PCDHGA5: variants seen among roughly 807,000 people sequenced by gnomAD.
PCDHGA5 encodes the protein protocadherin gamma-A5.
In PCDHGA5, 36 loss-of-function variants were observed where a neutral mutation model predicts 56.7. The observed-to-expected ratio is 0.64, with a 90% CI of 0.49 to 0.84. PCDHGA5 has a LOEUF of 0.84. Among genes scored for constraint, PCDHGA5 ranks in the 40% least tolerant of loss-of-function variants. The pLI, the probability that PCDHGA5 is intolerant of heterozygous loss-of-function variation, is 0.00. For missense variants in PCDHGA5, 1,305 were observed against 1,201.5 expected (o/e 1.09, Z -1.27); for synonymous variants, 563 against 520.2 (o/e 1.08, Z -1.12).
intron 1 of PCDHGA5, chr5:141,400,558 C>T: frequency 1.2e-6 from 2 of 1,613,290 alleles, no homozygotes; most frequent in Non-Finnish European, 1.7e-6. Flanking sequence ...TTTTTCATTA[C>T]CCACCCAATT....
chr5:141,455,244 T>C (rs977940552), intron 1 of PCDHGA5, among the ~76,000 whole-genome samples: 1 of 152,142 alleles, frequency 6.6e-6, no homozygotes, highest in Admixed American at 6.5e-5. Flanking sequence ...TTAAAGGTCA[T>C]AGTACAATCG....
Position 141,490,778 on chromosome 5 carries a change from A to T in PCDHGA5, c.2422-4029A>T, listed in dbSNP as rs964301520. The T allele has an allele frequency of 5.6e-6, 9 of 1,614,098 alleles. No individual in the cohort carries two copies. The highest frequency in any genetic ancestry group is 7.6e-6 in the Non-Finnish European group (9 of 1,179,962). On this transcript the variant is annotated intron_variant, in intron 1 of 3. Transcript: ENST00000518069. This position sits in a 1 kb window ranked among gnomAD's most constrained non-coding sequence, Gnocchi z 5.4. ...TCCTTTGTGTATGTCAACCCAGAGG[A>T]TGGACGGATCTTTGCCCAGCGTACC... is the stretch of plus-strand genomic sequence containing the variant.
chr5:141,476,459 C>T lies in PCDHGA5; in HGVS notation c.2422-18348C>T. On this transcript the variant is annotated intron_variant, in intron 1 of 3. Coordinates refer to ENST00000518069, the MANE Select transcript of PCDHGA5 (RefSeq NM_018918.3). The surrounding 1 kb of genome is among the most constrained non-coding windows in gnomAD (Gnocchi z 7.6). ...AACTCTGGAGTTGGTAGTGGAGAACCCGCTGGAGCTGTTCAGCGTGGAAGT... is the reference window on the plus strand; with the variant it reads ...AACTCTGGAGTTGGTAGTGGAGAACTCGCTGGAGCTGTTCAGCGTGGAAGT... 6.2e-7 allele frequency: 1 copy of T among 1,614,048 alleles called. No individual in the cohort carries two copies. Among genetic ancestry groups the T allele is most frequent in the Non-Finnish European group, 8.5e-7 (1 of 1,180,006 alleles).
chr5:141,466,147 G>A (rs2099117729), intron 1 of PCDHGA5, among the ~76,000 whole-genome samples: 1 of 151,722 alleles, frequency 6.6e-6, no homozygotes, highest in South Asian at 2.1e-4. Flanking sequence ...TGAAAACTCT[G>A]GTCTTAAACT....
intron 1 of PCDHGA5, chr5:141,367,368 TCTA>T (rs1266563786): frequency 1.3e-5 from 2 of 151,884 alleles, no homozygotes; most frequent in Non-Finnish European, 2.9e-5. Flanking sequence ...GAAACCCTGT[TCTA>T]CTAAAAATAC....
At chr5:141,383,665 C>T (rs1779352748) in intron 1 of PCDHGA5, 2 of 1,613,970 alleles carry the variant, frequency 1.2e-6, no homozygotes, top group Non-Finnish European at 1.7e-6. Flanking sequence ...CGAGAATGTG[C>T]CAGTGGGTAC....
chr5:141,399,937 G>A lies in PCDHGA5; in HGVS notation c.2421+33186G>A. 1.9e-6 allele frequency: 3 copies of A among 1,612,360 alleles called. No individual in the cohort carries two copies. The highest frequency in any genetic ancestry group is 2.5e-6 in the Non-Finnish European group (3 of 1,179,744). ...ACACAACGCCTGGCTGTCCTACCAC[G>A]TGCTGCAGGCTAGCGAGCCCGGGCT... On this transcript the variant is annotated intron_variant, in intron 1 of 3. Transcript: ENST00000518069.
At chr5:141,399,123 T>C (rs1221457638) in intron 1 of PCDHGA5, 12 of 1,613,828 alleles carry the variant, frequency 7.4e-6, no homozygotes, top group East Asian at 2.2e-5. Context: ...TTGAAATTAA[T>C]ATTCAAGATG....
intron 1 of PCDHGA5, chr5:141,424,602 T>G (rs2154550827): frequency 6.6e-6 from 1 of 152,334 alleles, no homozygotes; most frequent in African/African-American, 2.4e-5. Flanking sequence ...GTCTACAGAT[T>G]TATTCAAATA....
At chr5:141,502,724 C>T (rs1288841230) in intron 2 of PCDHGA5, among the ~76,000 whole-genome samples, 2 of 152,134 alleles carry the variant, frequency 1.3e-5, no homozygotes, top group African/African-American at 4.8e-5. Context: ...GATTACAAAG[C>T]GGTGATGTTC....
chr5:141,433,305 C>T, intron 1 of PCDHGA5: 1 of 931,032 alleles, frequency 1.1e-6, no homozygotes, highest in Non-Finnish European at 1.6e-6. Flanking sequence ...GCAATTATCC[C>T]ACCTTTGCCT....
chr5:141,439,410 A>T (rs2098110832), intron 1 of PCDHGA5, among the ~76,000 whole-genome samples: 1 of 152,220 alleles, frequency 6.6e-6, no homozygotes, highest in African/African-American at 2.4e-5. Context: ...TGCTAACATC[A>T]CTGAGGTTAT....
Position 141,490,400 on chromosome 5 carries a change from T to A in PCDHGA5, c.2422-4407T>A. On this transcript the variant is annotated intron_variant, in intron 1 of 3. Coordinates refer to ENST00000518069, the MANE Select transcript of PCDHGA5 (RefSeq NM_018918.3). This position sits in a 1 kb window ranked among gnomAD's most constrained non-coding sequence, Gnocchi z 5.4. ...TCAGGTAGAAATGGTGAAGTGAGCC[T>A]TGATATCTCTCCGGACCTGCCATTT... The A allele has an allele frequency of 6.2e-7, 1 of 1,614,202 alleles. No homozygotes were observed. Among genetic ancestry groups the A allele is most frequent in the Non-Finnish European group, 8.5e-7 (1 of 1,180,032 alleles).
chr5:141,475,553 T>A (rs1159585016), intron 1 of PCDHGA5, among the ~76,000 whole-genome samples: 2 of 152,260 alleles, frequency 1.3e-5, no homozygotes, highest in Non-Finnish European at 2.9e-5. Flanking sequence ...GTCCGGCTAA[T>A]TGTCTGTCTT....
Position 141,485,447 on chromosome 5 carries a change from C to G in PCDHGA5, c.2422-9360C>G, listed in dbSNP as rs1233800346. 6.2e-7 allele frequency: 1 copy of G among 1,614,144 alleles called. No individual in the cohort carries two copies. The highest frequency in any genetic ancestry group is 8.5e-7 in the Non-Finnish European group (1 of 1,180,036). On this transcript the variant is annotated intron_variant, in intron 1 of 3. Transcript: ENST00000518069. This position sits in a 1 kb window ranked among gnomAD's most constrained non-coding sequence, Gnocchi z 5.7. ...CCTGCTCATCAAGAACCCAATCGAC[C>G]GAGAGGCACTGTGTGGGCTCAGTGC... is the stretch of plus-strand genomic sequence containing the variant.
chr5:141,423,382 C>G, intron 1 of PCDHGA5: 1 of 1,614,118 alleles, frequency 6.2e-7, no homozygotes, highest in Non-Finnish European at 8.5e-7. Flanking sequence ...CAGGCTGTGG[C>G]GCTGGCATAA....
chr5:141,434,026 A>G (rs2154556044), intron 1 of PCDHGA5, among the ~76,000 whole-genome samples: 1 of 152,236 alleles, frequency 6.6e-6, no homozygotes, highest in Admixed American at 6.5e-5. Flanking sequence ...TGATTCTGGA[A>G]GCATGGTTTT....
intron 1 of PCDHGA5, chr5:141,414,643 C>G (rs765652709): frequency 1.2e-6 from 2 of 1,613,942 alleles, no homozygotes; most frequent in Non-Finnish European, 8.5e-7. Flanking sequence ...AGAGAATGCC[C>G]AGATTATTTA....
chr5:141,409,023 A>C, intron 1 of PCDHGA5: 1 of 1,614,044 alleles, frequency 6.2e-7, no homozygotes, highest in Non-Finnish European at 8.5e-7. Flanking sequence ...GAGGGGGTCA[A>C]TGCTGAGATA....
Sources: allele counts gnomAD v4.1 joint callset (sites outside exome capture counted in the v4.1 genomes callset), GRCh38; gene constraint gnomAD v4.1.1; non-coding constraint Gnocchi (gnomAD v3.1); transcripts MANE v1.5; gene names NCBI Gene and HGNC (gene_info 2026-07-23, HGNC 2026-07-21).